GLIS3: variants seen among roughly 807,000 people sequenced by gnomAD.
GLIS3 encodes zinc finger protein GLIS3.
In GLIS3, 53 loss-of-function variants were observed where a neutral mutation model predicts 78.6. The observed-to-expected ratio is 0.67, with a 90% CI of 0.54 to 0.85. The LOEUF (loss-of-function observed/expected upper bound fraction) is 0.85, where lower values mean the gene tolerates loss of function less well. Among genes scored for constraint, GLIS3 ranks in the 40% least tolerant of loss-of-function variants. The pLI is 0.00. For missense variants in GLIS3, 1,703 were observed against 1,231.1 expected, an observed-to-expected ratio of 1.38 and a Z score of -5.74; for synonymous variants, 684 against 509.9, an observed-to-expected ratio of 1.34 and a Z score of -4.60.
chr9:4,201,729 G>C (rs1196928193), intron 2 of GLIS3, among the ~76,000 whole-genome samples: 1 of 152,162 alleles, frequency 6.6e-6, no homozygotes, highest in African/African-American at 2.4e-5. Context: ...TCATGGATTG[G>C]AAGACTCAAT....
chr9:3,968,400 C>A (rs149672454), intron 4 of GLIS3, among the ~76,000 whole-genome samples: 146 of 152,124 alleles, frequency 9.6e-4, no homozygotes, highest in African/African-American at 3.4e-3. Context: ...AAGCAACAAA[C>A]AAAATTTTTT....
chr9:4,095,190 TA>T (rs1300450374), intron 4 of GLIS3, among the ~76,000 whole-genome samples: 4 of 152,194 alleles, frequency 2.6e-5, no homozygotes, highest in Admixed American at 6.5e-5. Context: ...GCCTTCCCCC[TA>T]CCCTTCCCAG....
intron 2 of GLIS3, among the ~76,000 whole-genome samples, chr9:4,319,285 A>C (rs1441129341): frequency 1.3e-5 from 2 of 152,200 alleles, no homozygotes; most frequent in African/African-American, 4.8e-5. Flanking sequence ...CAACATTCTA[A>C]AATTTTATGG....
chr9:4,049,491 C>T (rs775648145), intron 4 of GLIS3, among the ~76,000 whole-genome samples: 1 of 152,202 alleles, frequency 6.6e-6, no homozygotes, highest in Non-Finnish European at 1.5e-5. Context: ...CCAATGCCCA[C>T]AGCCCACAGA....
At chr9:3,949,750 A>ATTTTATTATTTATTATTTATTAT (rs1456713278) in intron 4 of GLIS3, among the ~76,000 whole-genome samples, 12 of 152,212 alleles carry the variant, frequency 7.9e-5, no homozygotes, top group Non-Finnish European at 1.8e-4. Flanking sequence ...AAATCAATGG[A>ATTTTATTATTTATTATTTATTAT]ATATTTGCCT....
intron 2 of GLIS3, among the ~76,000 whole-genome samples, chr9:4,273,608 T>TAAAA (rs1425909754): frequency 1.1e-5 from 1 of 93,512 alleles, no homozygotes; most frequent in African/African-American, 3.2e-5. Context: ...AATAAATAAA[T>TAAAA]AAATAAATAA....
chr9:4,161,675 C>CTTTTTTTTTTTTTTTTTTTTTTT (rs55904647), intron 2 of GLIS3, among the ~76,000 whole-genome samples: 1 of 114,214 alleles, frequency 8.8e-6, no homozygotes, highest in African/African-American at 3.5e-5. Context: ...TGCTAGAAGT[C>CTTTTTTTTTTTTTTTTTTTTTTT]TTTTTTTTTT....
At chr9:4,269,690 G>A (rs924166399) in intron 2 of GLIS3, among the ~76,000 whole-genome samples, 4 of 152,084 alleles carry the variant, frequency 2.6e-5, no homozygotes, top group Non-Finnish European at 5.9e-5. Flanking sequence ...CAGTTCCTGT[G>A]TATTTCAGTT....
intron 4 of GLIS3, among the ~76,000 whole-genome samples, chr9:4,116,859 C>CT (rs1831684623): frequency 6.6e-6 from 1 of 152,168 alleles, no homozygotes; most frequent in Non-Finnish European, 1.5e-5. Flanking sequence ...ACATGTTCTT[C>CT]TTTTTCCAAT....
the GLIS3 span, among the ~76,000 whole-genome samples, chr9:4,454,549 T>A: frequency 6.6e-6 from 1 of 152,204 alleles, no homozygotes; most frequent in Non-Finnish European, 1.5e-5. Context: ...ATTATGATAG[T>A]ATGCGAGGGA....
the GLIS3 span, among the ~76,000 whole-genome samples, chr9:4,365,520 C>G: frequency 6.6e-6 from 1 of 151,740 alleles, no homozygotes; most frequent in African/African-American, 2.4e-5. Context: ...CATGCCACTG[C>G]ACTCCAGCCT....
At chr9:4,473,184 T>C in the GLIS3 span, among the ~76,000 whole-genome samples, 1 of 151,854 alleles carries the variant, frequency 6.6e-6, no homozygotes, top group Non-Finnish European at 1.5e-5. Context: ...ATAGACTGAA[T>C]AAAGATAATG....
chr9:4,010,066 T>C (rs78194319), intron 4 of GLIS3, among the ~76,000 whole-genome samples: 7,907 of 152,142 alleles, frequency 0.052, 705 homozygotes, highest in African/African-American at 0.18. Flanking sequence ...CTCTCCTCAC[T>C]AGACTCTAAT....
chr9:3,832,259 AAAAT>A (rs1173456635), intron 9 of GLIS3, among the ~76,000 whole-genome samples: 1 of 151,128 alleles, frequency 6.6e-6, no homozygotes, highest in Non-Finnish European at 1.5e-5. Context: ...TGCTAAATAA[AAAAT>A]AAAATTATTT....
intron 2 of GLIS3, among the ~76,000 whole-genome samples, chr9:4,232,780 T>G (rs1822388829): frequency 6.6e-6 from 1 of 152,326 alleles, no homozygotes; most frequent in Non-Finnish European, 1.5e-5. Context: ...TTCCTATTCT[T>G]TGTTTTTCCT....
chr9:4,084,871 C>G (rs1216411912), intron 4 of GLIS3, among the ~76,000 whole-genome samples: 1 of 151,800 alleles, frequency 6.6e-6, no homozygotes, highest in East Asian at 1.9e-4. Flanking sequence ...AAATGCTTGG[C>G]ATTGTGTTCT....
chr9:4,478,700 A>G, the GLIS3 span, among the ~76,000 whole-genome samples: 1 of 152,214 alleles, frequency 6.6e-6, no homozygotes, highest in Non-Finnish European at 1.5e-5. Flanking sequence ...TTAAGCATTT[A>G]TCCTGCCTTT....
At chr9:4,123,911 T>A (rs1244243364) in intron 3 of GLIS3, 1 of 396,270 alleles carries the variant, frequency 2.5e-6, no homozygotes, top group Non-Finnish European at 4.5e-6. Flanking sequence ...TAGGGCAGCA[T>A]CTCTCAAACT....
chr9:3,994,168 T>C (rs1820554379), intron 4 of GLIS3, among the ~76,000 whole-genome samples: 1 of 152,206 alleles, frequency 6.6e-6, no homozygotes, highest in African/African-American at 2.4e-5. Context: ...TGGTTTCTCT[T>C]CGGATCATAT....
Sources: gnomAD v4.1 joint callset for allele counts (sites outside exome capture counted in the v4.1 genomes callset) on GRCh38, gnomAD v4.1.1 for gene constraint, MANE v1.5 for transcripts, NCBI Gene and HGNC (gene_info 2026-07-23, HGNC 2026-07-21) for gene names.